Variants in ARVCF observed in about 807,000 individuals in gnomAD.
The protein encoded by ARVCF is ARVCF delta catenin family member, also known as splicing regulator ARVCF.
ARVCF carries 66 observed loss-of-function variants against 90.9 expected under a neutral mutation model. That is an observed-to-expected ratio of 0.73 (90% CI 0.60 to 0.89). The LOEUF is 0.89. Among genes scored for constraint, ARVCF ranks in the 40% least tolerant of loss-of-function variants. ARVCF has a pLI of 0.00. For missense variants in ARVCF, 1,469 were observed against 1,382.3 expected, an observed-to-expected ratio of 1.06 and a Z score of -1.00; for synonymous variants, 653 against 603.4, an observed-to-expected ratio of 1.08 and a Z score of -1.21.
At chr22:19,978,771 G>A in intron 7 of ARVCF, 126 bp downstream of exon 7, 1 of 1,178,154 alleles carries the variant, frequency 8.5e-7, no homozygotes, top group Non-Finnish European at 1.2e-6. Context: ...CACAGGACTT[G>A]TGCCACAGCT....
chr22:20,006,052 A>T (rs1944612790), intron 2 of ARVCF, among the ~76,000 whole-genome samples: 1 of 152,214 alleles, frequency 6.6e-6, no homozygotes, highest in Admixed American at 6.5e-5. Flanking sequence ...TATTTATGTA[A>T]GGCATCTAAA....
chr22:19,971,811 G>GCCTAGGCTGCTCTCCAGCAACC, intron 18 of ARVCF, 75 bp downstream of exon 18: 1 of 1,517,154 alleles, frequency 6.6e-7, no homozygotes, highest in Non-Finnish European at 9.1e-7. Context: ...ACCCAGCATG[G>GCCTAGGCTGCTCTCCAGCAACC]CCTAGGCTGC....
At chr22:19,996,887 C>A (rs1211570154) in intron 2 of ARVCF, among the ~76,000 whole-genome samples, 2 of 152,196 alleles carry the variant, frequency 1.3e-5, no homozygotes, top group East Asian at 3.8e-4. Flanking sequence ...GGATGAGACG[C>A]CATCGGGGGT....
chr22:19,979,684 G>C (rs1943370589), intron 6 of ARVCF, 59 bp downstream of exon 6: 2 of 1,517,218 alleles, frequency 1.3e-6, no homozygotes, highest in East Asian at 4.8e-5. Context: ...GTTCCTCCCG[G>C]GTTGAGCCTC....
At chr22:19,965,266 C>T (rs963759042), downstream of ARVCF, 4 of 152,278 alleles carry the variant, frequency 2.6e-5, no homozygotes, top group African/African-American at 9.7e-5. Flanking sequence ...AACCCTTGCA[C>T]TTTGGGAGGC....
In ARVCF at chr22:19,972,266, G is replaced by A. The variant is rs1041331920; in HGVS notation, c.2695+92C>T. 137 of 1,541,230 alleles carry A rather than the reference G, an allele frequency of 8.9e-5. 2 individuals carry two copies. In the Admixed American group the frequency reaches 1.9e-3, roughly 21 times the overall value. ...AAACCAAATATCTCTCCTCCACCCA[G>A]CACCATCTACACCCCATAAAACCAG... On this transcript the variant is annotated intron_variant, in intron 17 of 19. Coordinates refer to ENST00000263207, the MANE Select transcript of ARVCF (RefSeq NM_001670.3).
At chr22:19,979,157 C>G in intron 6 of ARVCF, 77 bp from the exon 7 acceptor site, 1 of 1,475,566 alleles carries the variant, frequency 6.8e-7, no homozygotes, top group Non-Finnish European at 9.3e-7. Context: ...ACGCTCAGGA[C>G]CTGTCCCACT....
At chr22:19,996,023 C>T (rs1944238796) in intron 2 of ARVCF, among the ~76,000 whole-genome samples, 1 of 152,190 alleles carries the variant, frequency 6.6e-6, no homozygotes, top group Non-Finnish European at 1.5e-5. Context: ...TACCCTGTTG[C>T]CCCTACTGTG....
intron 2 of ARVCF, among the ~76,000 whole-genome samples, chr22:19,994,149 T>C (rs1052745582): frequency 6.6e-6 from 1 of 150,862 alleles, no homozygotes; most frequent in African/African-American, 2.4e-5. Flanking sequence ...GCTGGGGCAG[T>C]GGTGGAGGAT....
intron 12 of ARVCF, 75 bp from the exon 13 acceptor site, chr22:19,973,868 T>G: frequency 1.3e-6 from 2 of 1,543,702 alleles, no homozygotes; most frequent in South Asian, 2.4e-5. Context: ...GACCGCTCTC[T>G]CCAGCTGGAC....
At position 19,973,324 on chromosome 22, in the gene ARVCF, G is replaced by A. The variant is rs780649546; in HGVS notation, c.2240-7C>T. On this transcript the variant is annotated splice_region_variant and splice_polypyrimidine_tract_variant and intron_variant, in intron 13 of 19. Coordinates refer to ENST00000263207, the MANE Select transcript of ARVCF (RefSeq NM_001670.3). ...TCAGCCATGGCGTAGCTCCCTGAGG[G>A]GCAGGACTAGGTGTCAGAACACACC... The A allele has an allele frequency of 8.2e-6, 13 of 1,588,546 alleles. No homozygotes were observed. Among genetic ancestry groups the A allele is most frequent in the African/African-American group, 2.7e-5 (2 of 74,664 alleles).
intron 2 of ARVCF, among the ~76,000 whole-genome samples, chr22:20,002,324 C>G (rs1944475061): frequency 1.3e-5 from 2 of 152,218 alleles, no homozygotes; most frequent in Non-Finnish European, 2.9e-5. Flanking sequence ...GGGCCTCTCT[C>G]TATACCAGGC....
In ARVCF at chr22:19,974,194, G is replaced by A. The variant is rs768154752; in HGVS notation, c.2006C>T (p.Ser669Phe). The A allele has an allele frequency of 9.3e-6, 15 of 1,612,730 alleles. No individual in the cohort carries two copies. In the East Asian group the frequency reaches 1.3e-4, roughly 14 times the overall value. The change falls in exon 12 of 20, where the codon TCC becomes TTC. Residue 669 changes from serine (S) to phenylalanine (F), a missense_variant. Physicochemically the swap from Ser to Phe is radical, Grantham distance 155. Transcript: ENST00000263207. ...YQPEVVRLYL[S>F]LLTESRNFNT... ...GAAGTTCCGGCTCTCCGTGAGGAGG[G>A]AGAGGTAGAGACGTACCACCTCGGG...
Position 19,977,984 on chromosome 22 carries a change from C to G in ARVCF, c.1672G>C (p.Val558Leu). 1 of 1,610,874 alleles carries G rather than the reference C, an allele frequency of 6.2e-7. No individual in the cohort carries two copies. Among genetic ancestry groups the G allele is most frequent in the Non-Finnish European group, 8.5e-7 (1 of 1,178,766 alleles). The change falls in exon 8 of 20, where the codon GTG (valine) becomes CTG (leucine). Residue 558 changes from valine to leucine, a missense_variant. Coordinates refer to ENST00000263207, the MANE Select transcript of ARVCF (RefSeq NM_001670.3). ...TTGTTGTCAGTGTCCTTCCGGCCCACAGCCGACTGCAGGGCATGCAGGAGC... is the reference window on the plus strand; with the variant it reads ...TTGTTGTCAGTGTCCTTCCGGCCCAGAGCCGACTGCAGGGCATGCAGGAGC... ...DALLHALQSA[V>L]GRKDTDNKSV...
At position 19,970,284 on chromosome 22, in the gene ARVCF, G is replaced by A; in HGVS notation, c.*472C>T. On this transcript the variant is annotated 3_prime_UTR_variant, in exon 20 of 20. Transcript: ENST00000263207. Reference sequence around the variant, plus strand: ...CACACCGTGGTCTGCCTGCCTGCAGGGTGCCCAGGGAGACCCTCCGCCTTT... The same window carrying A: ...CACACCGTGGTCTGCCTGCCTGCAGAGTGCCCAGGGAGACCCTCCGCCTTT... The A allele has an allele frequency of 3.0e-6, 3 of 993,422 alleles. No homozygotes were observed. Among genetic ancestry groups the A allele is most frequent in the Non-Finnish European group, 3.6e-6 (3 of 834,332 alleles). The allele number at this position is 993,422 out of a possible 1,614,324, so 61.5% of individuals were successfully genotyped here.
chr22:19,999,270 T>A (rs910348351), intron 2 of ARVCF, among the ~76,000 whole-genome samples: 4 of 151,130 alleles, frequency 2.6e-5, no homozygotes, highest in African/African-American at 9.7e-5. Context: ...TTGACCTCAC[T>A]CTGACCCACA....
chr22:20,000,201 G>A (rs1272659350), intron 2 of ARVCF, among the ~76,000 whole-genome samples: 1 of 152,214 alleles, frequency 6.6e-6, no homozygotes, highest in Non-Finnish European at 1.5e-5. Flanking sequence ...GTCCCCTTTG[G>A]TCTGCCCTTG....
Position 19,979,959 on chromosome 22 carries a change from G to T in ARVCF, c.1180C>A (p.Arg394=). ...AGCCCCCGCAACTGCCGTACACGCC[G>T]CTTGACACCCTCGTTCTCAAAGCAC... ...HLCFENEGVK[R]RVRQLRGLPL... The change falls in exon 6 of 20, where the codon CGG becomes AGG. Residue 394 remains arginine, a synonymous_variant. Coordinates refer to ENST00000263207, the MANE Select transcript of ARVCF (RefSeq NM_001670.3). 3.1e-6 allele frequency: 5 copies of T among 1,595,596 alleles called. No homozygotes were observed. Among genetic ancestry groups the T allele is most frequent in the Non-Finnish European group, 4.3e-6 (5 of 1,171,750 alleles).
At chr22:20,004,878 C>G (rs1944565414) in intron 2 of ARVCF, among the ~76,000 whole-genome samples, 1 of 152,152 alleles carries the variant, frequency 6.6e-6, no homozygotes, top group South Asian at 2.1e-4. Flanking sequence ...ATTACATACA[C>G]AAAAATTAAC....
Sources: gnomAD v4.1 joint callset for allele counts (sites outside exome capture counted in the v4.1 genomes callset) on GRCh38, gnomAD v4.1.1 for gene constraint, MANE v1.5 for transcripts, NCBI Gene and HGNC (gene_info 2026-07-23, HGNC 2026-07-21) for gene names.